KIF6: variants seen among roughly 807,000 people sequenced by gnomAD.
KIF6 encodes the protein kinesin family member 6.
A neutral mutation model predicts 112.7 loss-of-function variants in KIF6; 106 were observed. The ratio of observed to expected loss-of-function variants is 0.94; its 90% CI spans 0.80 to 1.11. The LOEUF is 1.11. KIF6 is among the 50% of genes least tolerant of loss of function. KIF6 has a pLI of 0.00. For synonymous variants in KIF6, 339 were observed against 339.9 expected (o/e 1.00, Z 0.03); for missense variants, 929 against 964.0 (o/e 0.96, Z 0.48).
At chr6:39,723,419 C>T (rs1427452714) in intron 1 of KIF6, among the ~76,000 whole-genome samples, 1 of 152,176 alleles carries the variant, frequency 6.6e-6, no homozygotes, top group East Asian at 1.9e-4. Flanking sequence ...AAGGGGATAG[C>T]TTTGAAATCA....
At chr6:39,616,740 T>A (rs1279293102) in intron 5 of KIF6, among the ~76,000 whole-genome samples, 1 of 152,226 alleles carries the variant, frequency 6.6e-6, no homozygotes, top group Non-Finnish European at 1.5e-5. Context: ...TTCATGCCTT[T>A]GCTCATAGAA....
chr6:39,575,085 C>G (rs1780867740), intron 10 of KIF6, among the ~76,000 whole-genome samples: 1 of 152,032 alleles, frequency 6.6e-6, no homozygotes, highest in African/African-American at 2.4e-5. Context: ...ATGTTTAGTT[C>G]TAAGGCCCTA....
At chr6:39,691,996 G>T (rs13195469) in intron 3 of KIF6, 1 of 151,936 alleles carries the variant, frequency 6.6e-6, no homozygotes, top group Non-Finnish European at 1.5e-5. Context: ...CAAGACTAAC[G>T]TGTTAATTAA....
chr6:39,398,830 A>G (rs1768469958), intron 15 of KIF6, among the ~76,000 whole-genome samples: 1 of 152,216 alleles, frequency 6.6e-6, no homozygotes, highest in African/African-American at 2.4e-5. Context: ...TTAGTTTTAT[A>G]TGTCAAAGCG....
chr6:39,337,172 C>CTTCTTTCTTTTTTCT, intron 22 of KIF6, among the ~76,000 whole-genome samples: 1 of 59,520 alleles, frequency 1.7e-5, no homozygotes, highest in Non-Finnish European at 2.9e-5. Flanking sequence ...TCTTTCCTTC[C>CTTCTTTCTTTTTTCT]TTCTTTCTTT....
intron 10 of KIF6, among the ~76,000 whole-genome samples, chr6:39,548,280 A>T (rs1013610424): frequency 6.6e-6 from 1 of 152,200 alleles, no homozygotes; most frequent in African/African-American, 2.4e-5. Context: ...GAGCTGGACC[A>T]CTCACAGATT....
chr6:39,434,593 C>A (rs199803448), intron 13 of KIF6, among the ~76,000 whole-genome samples: 1 of 145,866 alleles, frequency 6.9e-6, no homozygotes, highest in African/African-American at 2.5e-5. Context: ...AACAAAAAAA[C>A]AAAACAAAAC....
chr6:39,489,175 A>G (rs1249134435), intron 13 of KIF6, among the ~76,000 whole-genome samples: 1 of 152,196 alleles, frequency 6.6e-6, no homozygotes, highest in Non-Finnish European at 1.5e-5. Flanking sequence ...GATTTGGTAT[A>G]ATATCTGTTT....
rs568210742 is a variant in KIF6 at position 39,342,924 on chromosome 6, C to T, written c.2428+785G>A. On this transcript the variant is annotated intron_variant, in intron 22 of 22. Transcript: ENST00000287152. The surrounding 1 kb of genome is among the most constrained non-coding windows in gnomAD (Gnocchi z 4.7). Reference sequence around the variant, plus strand: ...ATCAGTCATTATACATCGAATCTGCCAGCCCATACCATCACGGTGGGGGCG... The same window carrying T: ...ATCAGTCATTATACATCGAATCTGCTAGCCCATACCATCACGGTGGGGGCG... The T allele has an allele frequency of 2.0e-6, 2 of 985,456 alleles. No homozygotes were observed. Among genetic ancestry groups the T allele is most frequent in the African/African-American group, 3.5e-5 (2 of 57,360 alleles). The allele number at this position is 985,456 out of a possible 1,614,324, so 61.0% of individuals were successfully genotyped here.
chr6:39,506,321 A>G (rs1776424376), intron 13 of KIF6, among the ~76,000 whole-genome samples: 1 of 152,152 alleles, frequency 6.6e-6, no homozygotes, highest in East Asian at 1.9e-4. Context: ...GGACACATGG[A>G]TGCAGGGAGG....
At chr6:39,632,668 A>G (rs1325275696) in intron 5 of KIF6, among the ~76,000 whole-genome samples, 1 of 152,068 alleles carries the variant, frequency 6.6e-6, no homozygotes, top group Non-Finnish European at 1.5e-5. Flanking sequence ...TCAGAAAACT[A>G]GCAGATTCAA....
intron 2 of KIF6, among the ~76,000 whole-genome samples, 189 bp downstream of exon 2, chr6:39,720,513 A>G (rs1417632919): frequency 1.3e-5 from 2 of 152,126 alleles, no homozygotes; most frequent in Non-Finnish European, 2.9e-5. Context: ...ATATAGAAAT[A>G]CACATTATTT....
At chr6:39,628,950 C>T (rs1784225040) in intron 5 of KIF6, among the ~76,000 whole-genome samples, 2 of 152,128 alleles carry the variant, frequency 1.3e-5, no homozygotes, top group South Asian at 4.1e-4. Flanking sequence ...TTCATGCTAA[C>T]TTTTGCACTT....
intron 13 of KIF6, among the ~76,000 whole-genome samples, chr6:39,492,614 T>C (rs1249397250): frequency 6.6e-6 from 1 of 152,222 alleles, no homozygotes; most frequent in Admixed American, 6.5e-5. Context: ...ATGGATTTTG[T>C]AATTGCTGTG....
chr6:39,590,507 A>G (rs1325127767), intron 7 of KIF6, among the ~76,000 whole-genome samples: 1 of 140,746 alleles, frequency 7.1e-6, no homozygotes, highest in Non-Finnish European at 1.5e-5. Flanking sequence ...GCTGGAGTGT[A>G]ATAGCACAAC....
intron 5 of KIF6, among the ~76,000 whole-genome samples, chr6:39,628,136 A>G (rs941290224): frequency 6.6e-6 from 1 of 152,102 alleles, no homozygotes; most frequent in African/African-American, 2.4e-5. Context: ...AGTTTTTCCC[A>G]ATTGTAACAT....
chr6:39,483,343 A>T (rs1386729023), intron 13 of KIF6, among the ~76,000 whole-genome samples: 4 of 152,092 alleles, frequency 2.6e-5, no homozygotes, highest in Non-Finnish European at 5.9e-5. Flanking sequence ...TCCTCTCCAC[A>T]ACTGTGATTT....
intron 15 of KIF6, among the ~76,000 whole-genome samples, chr6:39,401,734 T>A (rs953360914): frequency 1.3e-5 from 2 of 152,078 alleles, no homozygotes; most frequent in African/African-American, 2.4e-5. Context: ...CATGCTAGTG[T>A]GCACATGCCT....
At chr6:39,660,332 T>A (rs1401396736) in intron 3 of KIF6, among the ~76,000 whole-genome samples, 2 of 152,134 alleles carry the variant, frequency 1.3e-5, no homozygotes, top group African/African-American at 2.4e-5. Flanking sequence ...TCATACGGAG[T>A]ATACAAGCTA....
Sources: allele counts gnomAD v4.1 joint callset (sites outside exome capture counted in the v4.1 genomes callset), GRCh38; gene constraint gnomAD v4.1.1; non-coding constraint Gnocchi (gnomAD v3.1); transcripts MANE v1.5; gene names NCBI Gene and HGNC (gene_info 2026-07-23, HGNC 2026-07-21).